The following ABLIM2 variants were observed in gnomAD, a reference collection of about 807,000 sequenced individuals.
ABLIM2 encodes the protein actin binding LIM protein family member 2, also known as actin-binding LIM protein 2.
ABLIM2 carries 53 observed loss-of-function variants against 97.7 expected under a neutral mutation model. The observed-to-expected ratio is 0.54, with a 90% confidence interval of 0.44 to 0.68. ABLIM2 has a LOEUF of 0.68. Ranked by LOEUF, ABLIM2 falls within the 30% of genes least tolerant of loss-of-function variation. The pLI, the probability that ABLIM2 is intolerant of heterozygous loss-of-function variation, is 0.00. For synonymous variants in ABLIM2, 361 were observed against 345.8 expected, an observed-to-expected ratio of 1.04 and a Z score of -0.49; for missense variants, 835 against 867.2, an observed-to-expected ratio of 0.96 and a Z score of 0.47.
intron 20 of ABLIM2, among the ~76,000 whole-genome samples, chr4:7,980,659 G>A (rs1399344712): frequency 1.3e-5 from 2 of 151,080 alleles, no homozygotes; most frequent in East Asian, 3.9e-4. Flanking sequence ...GGGTTGCAGT[G>A]AGCCAAGATT....
intron 16 of ABLIM2, chr4:8,007,527 T>C (rs908930794): frequency 2.0e-6 from 2 of 985,540 alleles, no homozygotes; most frequent in African/African-American, 1.7e-5. Context: ...TGGAGTTTTC[T>C]CTACATTTGA....
intron 16 of ABLIM2, among the ~76,000 whole-genome samples, chr4:7,995,581 A>T (rs1348372087): frequency 6.6e-6 from 1 of 152,148 alleles, no homozygotes; most frequent in Non-Finnish European, 1.5e-5. Flanking sequence ...TCACATGGGG[A>T]CACAGAGAAG....
chr4:8,082,299 C>A lies in ABLIM2; in HGVS notation c.455-1497G>T, dbSNP rs1229865467. 1.3e-5 allele frequency among the ~76,000 whole-genome samples: 2 copies of A among 152,212 alleles called. No homozygotes were observed. Among genetic ancestry groups the A allele is most frequent in the Non-Finnish European group, 2.9e-5 (2 of 68,036 alleles). On this transcript the variant is annotated intron_variant, in intron 4 of 20. Transcript: ENST00000447017. The surrounding 1 kb of genome is among the most constrained non-coding windows in gnomAD (Gnocchi z 5.6). ...TGCGCTGGGTCACACTGAGCGTATT[C>A]CTCCTGCGGGAGCCCCCATTTCCTC...
At chr4:8,036,343 C>T (rs1471878015) in intron 9 of ABLIM2, 48 bp from the exon 10 acceptor site, 2 of 1,598,850 alleles carry the variant, frequency 1.3e-6, no homozygotes, top group Non-Finnish European at 1.7e-6. Context: ...CAGATGCACC[C>T]CAGAGGGCAG....
At chr4:8,053,892 C>T (rs1280407180) in intron 8 of ABLIM2, among the ~76,000 whole-genome samples, 1 of 152,182 alleles carries the variant, frequency 6.6e-6, no homozygotes, top group African/African-American at 2.4e-5. Context: ...CACCCTGCTC[C>T]TGGATTTCCC....
In ABLIM2 at chr4:8,097,229, T is replaced by G. The variant is rs1225831879; in HGVS notation, c.208A>C (p.Ile70Leu). ...AGCCTCTGGTAGTCCAGCGTGCAGA[T>G]GTACTCGCCCTGCCGCACGAAGAAG... ...GGFFVRQGEY[I>L]CTLDYQRLYG... Residue 70 changes from isoleucine to leucine, a missense_variant, in exon 3 of 21, where the codon ATC becomes CTC. Transcript: ENST00000447017. 2 of 1,579,718 alleles carry G rather than the reference T, an allele frequency of 1.3e-6. No homozygotes were observed. The highest frequency in any genetic ancestry group is 1.7e-6 in the Non-Finnish European group (2 of 1,164,010).
In ABLIM2 at chr4:7,970,921, C is replaced by T. The variant is rs1241507256; in HGVS notation, c.1825-3818G>A. On this transcript the variant is annotated intron_variant, in intron 20 of 20. Coordinates refer to ENST00000447017, the MANE Select transcript of ABLIM2 (RefSeq NM_001130083.2). This position sits in a 1 kb window ranked among gnomAD's most constrained non-coding sequence, Gnocchi z 5.3. ...GACTTGGGGCCAGGGGTCTAGGGGG[C>T]TGACAGGGACCACCTCCCCGCAGGC... is the stretch of plus-strand genomic sequence containing the variant. Among the ~76,000 whole-genome samples the T allele has an allele frequency of 6.6e-6, 1 of 152,010 alleles. No individual in the cohort carries two copies. The highest frequency in any genetic ancestry group is 1.5e-5 in the Non-Finnish European group (1 of 67,970).
Position 7,992,796 on chromosome 4 carries a change from G to C in ABLIM2, c.1680+70C>G. 2 of 1,533,926 alleles carry C rather than the reference G, an allele frequency of 1.3e-6. No homozygotes were observed. Among genetic ancestry groups the C allele is most frequent in the South Asian group, 2.3e-5 (2 of 85,800 alleles). On this transcript the variant is annotated intron_variant, in intron 17 of 20. Transcript: ENST00000447017. This position sits in a 1 kb window ranked among gnomAD's most constrained non-coding sequence, Gnocchi z 5.7. ...TCTCCTCCTGCTGTGTGGTCAAGAA[G>C]CTGTGGGAAACGTGCTCAGCCTCAC...
chr4:8,138,112 G>A (rs768271832), intron 1 of ABLIM2, among the ~76,000 whole-genome samples: 31 of 152,312 alleles, frequency 2.0e-4, no homozygotes, highest in Admixed American at 1.1e-3. Context: ...CCCTAGAGTT[G>A]TTGAATCCAC....
At chr4:8,051,923 C>T (rs1014679409) in intron 8 of ABLIM2, among the ~76,000 whole-genome samples, 2 of 152,214 alleles carry the variant, frequency 1.3e-5, no homozygotes, top group African/African-American at 4.8e-5. Context: ...GCAAATCAGA[C>T]ACTGCCACCT....
rs1214780882 is a variant in ABLIM2 at position 8,043,007 on chromosome 4, CA to C, written c.900+2156del. Among the ~76,000 whole-genome samples the C allele has an allele frequency of 6.6e-6, 1 of 151,924 alleles. No individual in the cohort carries two copies. The highest frequency in any genetic ancestry group is 1.5e-5 in the Non-Finnish European group (1 of 67,974). ...CTCAACAAAAAATACAAAAATTAGCCAGGTGTGATGGTGCATGCCTGTAGTC... is the reference window on the plus strand; with the variant it reads ...CTCAACAAAAAATACAAAAATTAGCCGGTGTGATGGTGCATGCCTGTAGTC... On this transcript the variant is annotated intron_variant, in intron 9 of 20. Coordinates refer to ENST00000447017, the MANE Select transcript of ABLIM2 (RefSeq NM_001130083.2). This position sits in a 1 kb window ranked among gnomAD's most constrained non-coding sequence, Gnocchi z 4.8.
chr4:8,065,034 GAGGCCAGGAGTTCA>G (rs1806110254), intron 6 of ABLIM2, among the ~76,000 whole-genome samples: 1 of 152,220 alleles, frequency 6.6e-6, no homozygotes. Context: ...AGGATCACTT[GAGGCCAGGAGTTCA>G]AGACCAGCCT....
At position 8,058,884 on chromosome 4, in the gene ABLIM2, A is replaced by G. The variant is rs1227002720; in HGVS notation, c.763+2083T>C. 6.6e-6 allele frequency among the ~76,000 whole-genome samples: 1 copy of G among 152,112 alleles called. No homozygotes were observed. The highest frequency in any genetic ancestry group is 1.5e-5 in the Non-Finnish European group (1 of 68,022). ...TTCCTCATCCCATCTTTGACGACTC[A>G]GTCCTTAGCCTGTCTTCGGCAACCA... On this transcript the variant is annotated intron_variant, in intron 7 of 20. Transcript: ENST00000447017. The surrounding 1 kb of genome is among the most constrained non-coding windows in gnomAD (Gnocchi z 4.2).
At chr4:8,029,811 C>G (rs1251741556) in intron 10 of ABLIM2, 35 bp from the exon 11 acceptor site, 1 of 1,553,660 alleles carries the variant, frequency 6.4e-7, no homozygotes, top group East Asian at 2.4e-5. Context: ...AACACTGGAG[C>G]CGGGAGCACT....
At chr4:8,020,095 T>C (rs1772461478) in intron 13 of ABLIM2, 107 bp downstream of exon 13, 2 of 994,388 alleles carry the variant, frequency 2.0e-6, no homozygotes, top group Admixed American at 2.5e-5. Flanking sequence ...GCCTGGAGTG[T>C]CGTCTGGCGC....
At chr4:8,035,328 C>A (rs1025598014) in intron 10 of ABLIM2, among the ~76,000 whole-genome samples, 7 of 152,162 alleles carry the variant, frequency 4.6e-5, no homozygotes, top group African/African-American at 1.7e-4. Flanking sequence ...CCCACACCAT[C>A]CGCATCGAAC....
At position 8,004,742 on chromosome 4, in the gene ABLIM2, C is replaced by T. The variant is rs549424288; in HGVS notation, c.1618+3317G>A. ...ACTTCCTATAACATAAAATCAATAG[C>T]CTCCCTTCCTGTGCAGAAATCAGGT... On this transcript the variant is annotated intron_variant, in intron 16 of 20. Coordinates refer to ENST00000447017, the MANE Select transcript of ABLIM2 (RefSeq NM_001130083.2). The surrounding 1 kb of genome is among the most constrained non-coding windows in gnomAD (Gnocchi z 5.9). Among the ~76,000 whole-genome samples, 126 of 152,346 alleles carry T rather than the reference C, an allele frequency of 8.3e-4. No individual in the cohort carries two copies. Among genetic ancestry groups the T allele is most frequent in the Non-Finnish European group, 1.6e-3 (108 of 68,030 alleles).
chr4:8,036,813 G>A (rs542944938), intron 9 of ABLIM2, among the ~76,000 whole-genome samples: 1 of 152,182 alleles, frequency 6.6e-6, no homozygotes, highest in African/African-American at 2.4e-5. Context: ...GTACATGCAC[G>A]CACACGTACA....
chr4:8,056,027 C>A (rs1483749424), intron 7 of ABLIM2, among the ~76,000 whole-genome samples: 2 of 140,874 alleles, frequency 1.4e-5, no homozygotes, highest in East Asian at 2.2e-4. Flanking sequence ...GCAGGAGAAT[C>A]GCTTGAACTT....
Sources: gnomAD v4.1 joint callset for allele counts (sites outside exome capture counted in the v4.1 genomes callset) on GRCh38, gnomAD v4.1.1 for gene constraint, Gnocchi (gnomAD v3.1) non-coding constraint, MANE v1.5 for transcripts, NCBI Gene and HGNC (gene_info 2026-07-23, HGNC 2026-07-21) for gene names.